Variants in CDH10 observed in about 807,000 individuals in gnomAD.
CDH10 encodes the protein cadherin 10.
Under a neutral mutation model 73.1 loss-of-function variants are expected in CDH10, and 30 were observed. That is an observed-to-expected ratio of 0.41 (90% CI 0.31 to 0.56). The LOEUF is 0.56. Among genes scored for constraint, CDH10 ranks in the 20% least tolerant of loss-of-function variants. CDH10 has a pLI of 0.27. For missense variants in CDH10, 815 were observed against 973.7 expected, an observed-to-expected ratio of 0.84 and a Z score of 2.17; for synonymous variants, 345 against 348.2, an observed-to-expected ratio of 0.99 and a Z score of 0.10.
At chr5:24,568,637 AC>A (rs922971448) in intron 2 of CDH10, among the ~76,000 whole-genome samples, 8 of 152,118 alleles carry the variant, frequency 5.3e-5, no homozygotes, top group African/African-American at 1.9e-4. Context: ...CAGTAATTCC[AC>A]TTTTGGGTAT....
chr5:24,604,898 A>AACAAAC (rs1406369061), intron 1 of CDH10, among the ~76,000 whole-genome samples: 133 of 147,518 alleles, frequency 9.0e-4, no homozygotes, highest in African/African-American at 3.3e-3. Flanking sequence ...AAAAAAAACA[A>AACAAAC]AAACAAACAA....
chr5:24,523,391 GT>G (rs1224208467), intron 5 of CDH10, among the ~76,000 whole-genome samples: 1 of 151,882 alleles, frequency 6.6e-6, no homozygotes, highest in Non-Finnish European at 1.5e-5. Context: ...TAATACTCTA[GT>G]AAAAATTGTT....
At chr5:24,643,071 T>C (rs1748107998) in intron 1 of CDH10, among the ~76,000 whole-genome samples, 1 of 152,030 alleles carries the variant, frequency 6.6e-6, no homozygotes, top group Non-Finnish European at 1.5e-5. Context: ...ATCCACGCTG[T>C]TTACACCTGT....
intron 2 of CDH10, among the ~76,000 whole-genome samples, chr5:24,564,778 C>T (rs1455262528): frequency 6.6e-6 from 1 of 152,126 alleles, no homozygotes; most frequent in Non-Finnish European, 1.5e-5. Flanking sequence ...CTTATTAGAT[C>T]AATCCTGCTG....
intron 1 of CDH10, among the ~76,000 whole-genome samples, chr5:24,622,851 C>T (rs1252597841): frequency 1.3e-5 from 2 of 152,150 alleles, no homozygotes; most frequent in African/African-American, 4.8e-5. Context: ...AAAATCTTCA[C>T]TTAGTATCAT....
chr5:24,520,211 G>T (rs1188480188), intron 5 of CDH10, among the ~76,000 whole-genome samples: 2 of 151,988 alleles, frequency 1.3e-5, no homozygotes, highest in African/African-American at 4.8e-5. Flanking sequence ...TGAAAAAAAG[G>T]AAGTAAACCA....
At chr5:24,577,268 T>C (rs1054762924) in intron 2 of CDH10, among the ~76,000 whole-genome samples, 2 of 152,086 alleles carry the variant, frequency 1.3e-5, no homozygotes, top group African/African-American at 4.8e-5. Flanking sequence ...TGATTATTTG[T>C]GACAAAAGTA....
chr5:24,582,976 C>A (rs13165912), intron 2 of CDH10, among the ~76,000 whole-genome samples: 58,369 of 151,888 alleles, frequency 0.38, 13,615 homozygotes, highest in East Asian at 0.53. Flanking sequence ...CAAGACTATG[C>A]TTCAGGGTTT....
chr5:24,575,064 G>A (rs563168679), intron 2 of CDH10, among the ~76,000 whole-genome samples: 195 of 152,096 alleles, frequency 1.3e-3, no homozygotes, highest in African/African-American at 4.4e-3. Flanking sequence ...CATTCAAAAT[G>A]TCTCCTGCTG....
Position 24,593,531 on chromosome 5 carries a change from T to C in CDH10, c.-41A>G. On this transcript the variant is annotated 5_prime_UTR_variant, in exon 2 of 12. Coordinates refer to ENST00000264463, the MANE Select transcript of CDH10 (RefSeq NM_006727.5). Reference sequence around the variant, plus strand: ...AAATCCCAGTGTAGATGAAGAGAAGTGGTCCTATTTTACCCAGTTGGTTTT... The same window carrying C: ...AAATCCCAGTGTAGATGAAGAGAAGCGGTCCTATTTTACCCAGTTGGTTTT... 1 of 1,150,736 alleles carries C rather than the reference T, an allele frequency of 8.7e-7. No homozygotes were observed. The highest frequency in any genetic ancestry group is 1.3e-6 in the Non-Finnish European group (1 of 763,840). 71.3% of individuals were successfully genotyped at this position (1,150,736 alleles called of 1,614,324 possible).
chr5:24,525,358 T>G (rs541444940), intron 5 of CDH10, among the ~76,000 whole-genome samples: 1 of 152,212 alleles, frequency 6.6e-6, no homozygotes, highest in Non-Finnish European at 1.5e-5. Context: ...ATCAACAAAA[T>G]AATTTAACTT....
chr5:24,513,613 A>G (rs1487685475), intron 5 of CDH10, among the ~76,000 whole-genome samples: 4 of 152,190 alleles, frequency 2.6e-5, no homozygotes, highest in South Asian at 2.1e-4. Flanking sequence ...TACATACGCT[A>G]CATGTTGGAA....
chr5:24,572,373 T>C (rs1371785718), intron 2 of CDH10, among the ~76,000 whole-genome samples: 1 of 152,092 alleles, frequency 6.6e-6, no homozygotes, highest in East Asian at 1.9e-4. Flanking sequence ...TGCCAGCACC[T>C]TCTTTGAAGA....
intron 5 of CDH10, among the ~76,000 whole-genome samples, chr5:24,526,095 C>CAGCTTTA (rs1159293553): frequency 1.3e-5 from 2 of 151,952 alleles, no homozygotes; most frequent in Admixed American, 1.3e-4. Context: ...TCTGCAACAA[C>CAGCTTTA]AGCTTTAATT....
intron 5 of CDH10, among the ~76,000 whole-genome samples, chr5:24,522,144 A>G (rs1026643687): frequency 7.3e-6 from 1 of 136,718 alleles, no homozygotes; most frequent in Non-Finnish European, 1.6e-5. Context: ...AAACAAACCA[A>G]AAAACAAACA....
chr5:24,588,305 A>T (rs1228875043), intron 2 of CDH10, among the ~76,000 whole-genome samples: 1 of 152,186 alleles, frequency 6.6e-6, no homozygotes, highest in African/African-American at 2.4e-5. Flanking sequence ...ATAAAAAATA[A>T]CTGTGTCCCA....
rs573978367 is a variant in CDH10, at chr5:24,636,655, C to T, written c.-124+7939G>A. The stretch of plus-strand genomic sequence containing the variant: ...TATATAACAAACCTGCACATGTACC[C>T]CTGAACCTAAAATAAAAGTTAAAAA... On this transcript the variant is annotated intron_variant, in intron 1 of 11. Transcript: ENST00000264463. 1.3e-4 allele frequency among the ~76,000 whole-genome samples: 19 copies of T among 151,910 alleles called. No individual in the cohort carries two copies. The East Asian group carries it at 2.3e-3, about 19-fold the overall frequency.
At chr5:24,516,376 A>T (rs1258291615) in intron 5 of CDH10, among the ~76,000 whole-genome samples, 1 of 152,106 alleles carries the variant, frequency 6.6e-6, no homozygotes, top group Non-Finnish European at 1.5e-5. Flanking sequence ...AGTGTATGCA[A>T]ATATCCCATT....
chr5:24,631,617 C>T (rs1000354780), intron 1 of CDH10, among the ~76,000 whole-genome samples: 8 of 151,804 alleles, frequency 5.3e-5, no homozygotes, highest in Admixed American at 3.3e-4. Context: ...GAGTAGAAGA[C>T]CATGTTCCCT....
Sources: allele counts gnomAD v4.1 joint callset (sites outside exome capture counted in the v4.1 genomes callset), GRCh38; gene constraint gnomAD v4.1.1; transcripts MANE v1.5; gene names NCBI Gene and HGNC (gene_info 2026-07-23, HGNC 2026-07-21).